The following CHCHD6 variants were observed in gnomAD, a reference collection of about 807,000 sequenced individuals.
The protein encoded by CHCHD6 is MICOS complex subunit MIC25.
Under a neutral mutation model 32.3 loss-of-function variants are expected in CHCHD6, and 28 were observed. That is an observed-to-expected ratio of 0.87 (90% CI 0.64 to 1.19). The LOEUF is 1.19. Ranked by LOEUF, CHCHD6 falls within the 50% of genes most tolerant of loss-of-function variation. The pLI is 0.00. For missense variants in CHCHD6, 333 were observed against 307.0 expected, an observed-to-expected ratio of 1.08 and a Z score of -0.63; for synonymous variants, 122 against 117.5, an observed-to-expected ratio of 1.04 and a Z score of -0.25.
At chr3:126,764,325 C>A (rs1013409183) in intron 4 of CHCHD6, among the ~76,000 whole-genome samples, 5 of 151,822 alleles carry the variant, frequency 3.3e-5, no homozygotes, top group Non-Finnish European at 7.4e-5. Flanking sequence ...CTTTCAAATT[C>A]TTTGTCCTGA....
intron 4 of CHCHD6, among the ~76,000 whole-genome samples, chr3:126,841,779 G>A (rs1941094386): frequency 6.6e-6 from 1 of 151,822 alleles, no homozygotes; most frequent in South Asian, 2.1e-4. Context: ...ACTGGGCATT[G>A]TGGCATGTGC....
intron 4 of CHCHD6, chr3:126,766,288 A>G (rs1937368051): frequency 9.5e-6 from 3 of 316,208 alleles, no homozygotes; most frequent in East Asian, 7.1e-5. Context: ...GATCACTTGT[A>G]AAATGGAATC....
In CHCHD6 at chr3:126,949,548, CGG is replaced by C. The variant is rs2078686484; in HGVS notation, c.567-7867_567-7866del. 3 of 131,354 alleles carry C rather than the reference CGG, an allele frequency of 2.3e-5. No individual in the cohort carries two copies. The East Asian group carries it at 1.1e-3, about 50-fold the overall frequency. 8.1% of individuals were successfully genotyped at this position (131,354 alleles called of 1,614,324 possible). A position where few individuals can be genotyped will look rare whatever the true frequency, so the allele number is the denominator to read the frequency against. ...GTGGACGGAAGGGAAGGCTGCTGCC[CGG>C]ACTGCCGCCGTGGACGGAAGGGAAG... On this transcript the variant is annotated intron_variant, in intron 6 of 7. Transcript: ENST00000290913.
intron 5 of CHCHD6, 77 bp downstream of exon 5, chr3:126,852,807 G>A: frequency 9.9e-7 from 1 of 1,011,502 alleles, no homozygotes; most frequent in Non-Finnish European, 1.5e-6. Context: ...CTGTCATGGG[G>A]GGAGAGAGGA....
chr3:126,718,108 A>G (rs1240195686), intron 1 of CHCHD6, among the ~76,000 whole-genome samples: 2 of 152,112 alleles, frequency 1.3e-5, no homozygotes, highest in African/African-American at 4.8e-5. Flanking sequence ...TTTAAAAAGA[A>G]TGTGCCCAAT....
At chr3:126,764,212 TA>T (rs1937271939) in intron 4 of CHCHD6, among the ~76,000 whole-genome samples, 1 of 147,578 alleles carries the variant, frequency 6.8e-6, no homozygotes. Flanking sequence ...TATATATATA[TA>T]TATATATATA....
At chr3:126,805,162 A>G (rs931121999) in intron 4 of CHCHD6, among the ~76,000 whole-genome samples, 1 of 152,158 alleles carries the variant, frequency 6.6e-6, no homozygotes, top group Non-Finnish European at 1.5e-5. Flanking sequence ...GCCCTCTCTC[A>G]CCACCCCTAT....
At chr3:126,917,966 T>C (rs1363659914) in intron 6 of CHCHD6, among the ~76,000 whole-genome samples, 3 of 152,216 alleles carry the variant, frequency 2.0e-5, no homozygotes, top group African/African-American at 4.8e-5. Context: ...CCAGTCTCTA[T>C]AGTACTCTAT....
At chr3:126,791,307 A>T (rs146839873) in intron 4 of CHCHD6, among the ~76,000 whole-genome samples, 9,650 of 152,310 alleles carry the variant, frequency 0.063, 393 homozygotes, top group Non-Finnish European at 0.093. Flanking sequence ...CCATTCTCAG[A>T]TCTCAGACTC....
intron 4 of CHCHD6, among the ~76,000 whole-genome samples, chr3:126,741,341 A>ATTT (rs5852490): frequency 7.5e-4 from 111 of 148,494 alleles, no homozygotes; most frequent in South Asian, 3.4e-3. Context: ...CAAATCAGTG[A>ATTT]TTTTTTTTTT....
chr3:126,900,530 G>T (rs2077907952), intron 5 of CHCHD6, among the ~76,000 whole-genome samples: 2 of 152,074 alleles, frequency 1.3e-5, no homozygotes, highest in Non-Finnish European at 2.9e-5. Flanking sequence ...ATGGCAGAAG[G>T]CGAATGGGGA....
intron 4 of CHCHD6, among the ~76,000 whole-genome samples, chr3:126,807,795 A>G (rs1198031157): frequency 6.6e-6 from 1 of 152,222 alleles, no homozygotes; most frequent in Non-Finnish European, 1.5e-5. Flanking sequence ...CTGTATAACA[A>G]ATTACTCCAA....
rs1934364295 is a variant in CHCHD6, at chr3:126,704,360, G to A, written c.48G>A (p.Val16=). 6.3e-7 allele frequency: 1 copy of A among 1,589,794 alleles called. No individual in the cohort carries two copies. Among genetic ancestry groups the A allele is most frequent in the East Asian group, 2.3e-5 (1 of 43,708 alleles). ...SSEGRRVSFG[V]DEEERVRVLQ... ...AGGGCCGCAGGGTGTCCTTCGGAGTGGACGAGGAGGAGCGGGTCCGGGTGC... is the reference window on the plus strand; with the variant it reads ...AGGGCCGCAGGGTGTCCTTCGGAGTAGACGAGGAGGAGCGGGTCCGGGTGC... Residue 16 remains valine, a synonymous_variant, in exon 1 of 8, where the codon GTG becomes GTA. Coordinates refer to ENST00000290913, the MANE Select transcript of CHCHD6 (RefSeq NM_032343.3).
At chr3:126,827,185 G>A (rs981754527) in intron 4 of CHCHD6, among the ~76,000 whole-genome samples, 1 of 152,172 alleles carries the variant, frequency 6.6e-6, no homozygotes, top group African/African-American at 2.4e-5. Flanking sequence ...TTTTAAGAAG[G>A]CTTGGACCTT....
At chr3:126,892,132 C>T (rs2077770408) in intron 5 of CHCHD6, among the ~76,000 whole-genome samples, 1 of 152,186 alleles carries the variant, frequency 6.6e-6, no homozygotes, top group Non-Finnish European at 1.5e-5. Flanking sequence ...GGGGGATCCT[C>T]TGTGCCTACT....
At chr3:126,704,462 G>A (rs902128866) in intron 1 of CHCHD6, 63 bp downstream of exon 1, 117 of 1,087,924 alleles carry the variant, frequency 1.1e-4, no homozygotes, top group Non-Finnish European at 1.4e-4. Context: ...GGAGGTGCGG[G>A]GCGGAGCGCA....
intron 5 of CHCHD6, among the ~76,000 whole-genome samples, chr3:126,892,412 C>T (rs1039841543): frequency 1.2e-4 from 18 of 152,178 alleles, no homozygotes; most frequent in Non-Finnish European, 2.4e-4. Flanking sequence ...CCACAGCATC[C>T]CCAATAAATG....
intron 4 of CHCHD6, among the ~76,000 whole-genome samples, chr3:126,740,760 G>C (rs57337794): frequency 0.027 from 4,123 of 152,252 alleles, 134 homozygotes; most frequent in East Asian, 0.15. Context: ...AGGCCTCCTG[G>C]GTTCCCACTT....
intron 4 of CHCHD6, among the ~76,000 whole-genome samples, chr3:126,811,957 C>T (rs904540917): frequency 2.0e-5 from 3 of 152,172 alleles, no homozygotes; most frequent in African/African-American, 7.2e-5. Flanking sequence ...GTTTTCCTTG[C>T]AGATATTTGC....
Sources: allele counts gnomAD v4.1 joint callset (sites outside exome capture counted in the v4.1 genomes callset), GRCh38; gene constraint gnomAD v4.1.1; transcripts MANE v1.5; gene names NCBI Gene and HGNC (gene_info 2026-07-23, HGNC 2026-07-21).